Variants in THADA observed in about 807,000 individuals in gnomAD.
THADA encodes the protein tRNA (32-2'-O)-methyltransferase regulator THADA.
Under a neutral mutation model 219.8 loss-of-function variants are expected in THADA, and 213 were observed. The ratio of observed to expected loss-of-function variants is 0.97; its 90% CI spans 0.87 to 1.09. The LOEUF is 1.09. THADA is among the 50% of genes least tolerant of loss of function. The pLI is 0.00. For synonymous variants in THADA, 1,018 were observed against 828.9 expected (o/e 1.23, Z -3.92); for missense variants, 2,956 against 2,311.3 (o/e 1.28, Z -5.72).
In THADA at chr2:43,231,219, C is replaced by T. The variant is rs191149396; in HGVS notation, c.5591G>A (p.Ser1864Asn). The T allele has an allele frequency of 5.8e-4, 943 of 1,613,802 alleles. 17 individuals carry two copies. The East Asian group carries it at 0.017, about 29-fold the overall frequency. ...LLSKSGWRPPSPEMLCHLQRM... is the reference protein window; with the variant it reads ...LLSKSGWRPPNPEMLCHLQRM... ...TTGAAGGTGACAGAGCATCTCAGGG[C>T]TTGGGGGACGCCAGCCGGACTTTGA... Residue 1864 changes from serine to asparagine, a missense_variant, in exon 38 of 38, where the codon AGC becomes AAC. Coordinates refer to ENST00000405975, the MANE Select transcript of THADA (RefSeq NM_022065.5).
chr2:43,579,128 C>A (rs1700151149), intron 8 of THADA, among the ~76,000 whole-genome samples: 1 of 152,340 alleles, frequency 6.6e-6, no homozygotes, highest in East Asian at 1.9e-4. Context: ...CTGTGCCCGG[C>A]TGAATATAAA....
intron 29 of THADA, among the ~76,000 whole-genome samples, chr2:43,362,830 C>T (rs1014132970): frequency 1.3e-5 from 2 of 152,078 alleles, no homozygotes; most frequent in African/African-American, 4.8e-5. Context: ...AAAATAATTT[C>T]TTTATATCCT....
intron 15 of THADA, among the ~76,000 whole-genome samples, chr2:43,562,045 T>C (rs1414707641): frequency 1.3e-5 from 2 of 152,228 alleles, no homozygotes; most frequent in Non-Finnish European, 2.9e-5. Flanking sequence ...GTGTATTACA[T>C]TGACTATTAT....
chr2:43,288,911 T>C (rs1343924569), intron 34 of THADA, among the ~76,000 whole-genome samples: 1 of 152,190 alleles, frequency 6.6e-6, no homozygotes, highest in Non-Finnish European at 1.5e-5. Flanking sequence ...ATTTTCATCA[T>C]CACAAAGAGA....
At chr2:43,442,785 T>C (rs1573670376) in intron 26 of THADA, among the ~76,000 whole-genome samples, 1 of 152,156 alleles carries the variant, frequency 6.6e-6, no homozygotes, top group Non-Finnish European at 1.5e-5. Flanking sequence ...AGAGCACAGA[T>C]TTCTGTAGGT....
intron 25 of THADA, among the ~76,000 whole-genome samples, 168 bp from the exon 26 acceptor site, chr2:43,485,493 T>C (rs1336459642): frequency 1.3e-5 from 2 of 152,132 alleles, no homozygotes; most frequent in Non-Finnish European, 2.9e-5. Flanking sequence ...TTGACAGTCA[T>C]CGATTCAATG....
At chr2:43,250,202 C>T (rs1367149556) in intron 36 of THADA, among the ~76,000 whole-genome samples, 1 of 152,182 alleles carries the variant, frequency 6.6e-6, no homozygotes, top group African/African-American at 2.4e-5. Flanking sequence ...TAGATCCATA[C>T]AATGGACCAT....
intron 26 of THADA, among the ~76,000 whole-genome samples, chr2:43,436,390 T>C (rs1680110958): frequency 6.6e-6 from 1 of 152,210 alleles, no homozygotes; most frequent in African/African-American, 2.4e-5. Flanking sequence ...TGCTCTGCTC[T>C]TCCCCCAAAC....
At chr2:43,316,396 T>C (rs577472199) in intron 31 of THADA, among the ~76,000 whole-genome samples, 30 of 152,016 alleles carry the variant, frequency 2.0e-4, no homozygotes, top group Admixed American at 2.0e-4. Context: ...AAAAAATAAA[T>C]AAACAAGAAA....
At chr2:43,359,917 C>T (rs972100341) in intron 29 of THADA, among the ~76,000 whole-genome samples, 4 of 151,872 alleles carry the variant, frequency 2.6e-5, no homozygotes, top group African/African-American at 9.7e-5. Flanking sequence ...TGCTACTGGC[C>T]CCAGCTCCAA....
intron 1 of THADA, among the ~76,000 whole-genome samples, chr2:43,593,858 C>T (rs1379395968): frequency 2.0e-5 from 3 of 152,094 alleles, no homozygotes; most frequent in Non-Finnish European, 4.4e-5. Flanking sequence ...TGGTCTCGAT[C>T]TCCTGACCTC....
At chr2:43,330,835 C>T (rs914378658) in intron 30 of THADA, among the ~76,000 whole-genome samples, 7 of 152,116 alleles carry the variant, frequency 4.6e-5, no homozygotes, top group African/African-American at 1.7e-4. Flanking sequence ...GATCAGGCCT[C>T]GGGAGAGGAA....
intron 35 of THADA, among the ~76,000 whole-genome samples, chr2:43,284,254 AC>A (rs750160562): frequency 4.6e-5 from 7 of 152,196 alleles, no homozygotes; most frequent in Non-Finnish European, 5.9e-5. Context: ...AGAGACCTTC[AC>A]AGCAGCCCCT....
chr2:43,460,238 T>TAAAA (rs10560565), intron 26 of THADA, among the ~76,000 whole-genome samples: 72 of 63,508 alleles, frequency 1.1e-3, no homozygotes, highest in East Asian at 3.8e-3. Flanking sequence ...TTTCTCTTAA[T>TAAAA]AAAAAAAAAA....
chr2:43,514,779 TATA>T (rs1303465777), intron 22 of THADA, among the ~76,000 whole-genome samples: 1 of 92,126 alleles, frequency 1.1e-5, no homozygotes, highest in African/African-American at 4.6e-5. Flanking sequence ...ATATATATTT[TATA>T]TATAATAATA....
intron 29 of THADA, among the ~76,000 whole-genome samples, chr2:43,383,424 A>G (rs1672268096): frequency 6.6e-6 from 1 of 152,202 alleles, no homozygotes; most frequent in Admixed American, 6.5e-5. Flanking sequence ...TCTCATCAGC[A>G]GTTTAAGCTA....
chr2:43,271,705 C>A (rs902961205), intron 36 of THADA, among the ~76,000 whole-genome samples: 1 of 150,894 alleles, frequency 6.6e-6, no homozygotes, highest in Non-Finnish European at 1.5e-5. Flanking sequence ...ACCTCCACCT[C>A]CTGGGTTCAA....
chr2:43,254,347 C>G (rs1173975542), intron 36 of THADA, among the ~76,000 whole-genome samples: 1 of 151,866 alleles, frequency 6.6e-6, no homozygotes, highest in Non-Finnish European at 1.5e-5. Flanking sequence ...GTCCTTGGGA[C>G]ACTGTTTGAG....
At chr2:43,440,863 GCTA>G (rs1223100729) in intron 26 of THADA, among the ~76,000 whole-genome samples, 1 of 152,186 alleles carries the variant, frequency 6.6e-6, no homozygotes, top group Non-Finnish European at 1.5e-5. Context: ...GGGCAGTGGA[GCTA>G]CTATTCTAGG....
Sources: allele counts gnomAD v4.1 joint callset (sites outside exome capture counted in the v4.1 genomes callset), GRCh38; gene constraint gnomAD v4.1.1; transcripts MANE v1.5; gene names NCBI Gene and HGNC (gene_info 2026-07-23, HGNC 2026-07-21).